NKIRAS1: variants seen among roughly 807,000 people sequenced by gnomAD.
The protein encoded by NKIRAS1 is NFKB inhibitor interacting Ras like 1.
In NKIRAS1, 16 loss-of-function variants were observed where a neutral mutation model predicts 19.8. The observed-to-expected ratio is 0.81, with a 90% CI of 0.55 to 1.23. The LOEUF is 1.23. NKIRAS1 is among the 50% of genes most tolerant of loss of function. The pLI is 0.00. For missense variants in NKIRAS1, 184 were observed against 220.0 expected, an observed-to-expected ratio of 0.84 and a Z score of 1.04; for synonymous variants, 88 against 79.0, an observed-to-expected ratio of 1.11 and a Z score of -0.61.
intron 1 of NKIRAS1, among the ~76,000 whole-genome samples, chr3:23,925,633 C>CA (rs1553645996): frequency 7.6e-6 from 1 of 132,250 alleles, no homozygotes; most frequent in Non-Finnish European, 1.6e-5. Flanking sequence ...GACTCTGTCT[C>CA]AAAAAAATAA....
intron 1 of NKIRAS1, chr3:23,945,744 C>G (rs1705654150): frequency 1.9e-6 from 1 of 532,054 alleles, no homozygotes; most frequent in South Asian, 8.5e-5. Flanking sequence ...TGGCTCGGTT[C>G]CCATCGCCCC....
intron 1 of NKIRAS1, among the ~76,000 whole-genome samples, chr3:23,931,939 CTTA>C (rs1441918744): frequency 6.6e-6 from 1 of 152,150 alleles, no homozygotes; most frequent in East Asian, 1.9e-4. Context: ...AGCAATGATG[CTTA>C]TTATTAGTCA....
At position 23,892,959 on chromosome 3, in the gene NKIRAS1, A is replaced by G. The variant is rs1701583745; in HGVS notation, c.*136T>C. On this transcript the variant is annotated 3_prime_UTR_variant, in exon 5 of 5. Coordinates refer to ENST00000425478, the MANE Select transcript of NKIRAS1 (RefSeq NM_020345.4). ...TACTTTTAACATCTAAAGTGCATTA[A>G]TTGACTTCCTTAGGAATTTTCCTAA... The G allele has an allele frequency of 4.9e-6, 4 of 824,192 alleles. No individual in the cohort carries two copies. Among genetic ancestry groups the G allele is most frequent in the Non-Finnish European group, 7.1e-6 (4 of 562,752 alleles). The allele number at this position is 824,192 out of a possible 1,614,324, so 51.1% of individuals were successfully genotyped here.
intron 1 of NKIRAS1, among the ~76,000 whole-genome samples, chr3:23,914,964 A>G (rs1704175349): frequency 6.6e-6 from 1 of 152,222 alleles, no homozygotes; most frequent in Non-Finnish European, 1.5e-5. Flanking sequence ...ACAGGGCTGC[A>G]CTACTTACCA....
upstream of NKIRAS1, chr3:23,919,080 TGAG>T (rs1189659400): frequency 1.4e-6 from 1 of 693,116 alleles, no homozygotes; most frequent in Non-Finnish European, 2.5e-6. Flanking sequence ...GTAAATAACT[TGAG>T]TAGTAAAAGA....
chr3:23,911,728 G>A (rs1020155714), intron 1 of NKIRAS1, among the ~76,000 whole-genome samples: 1 of 150,706 alleles, frequency 6.6e-6, no homozygotes, highest in African/African-American at 2.4e-5. Context: ...GTCTTTTCTC[G>A]AGAAGGGAAG....
rs193246831 is a variant in NKIRAS1, at chr3:23,908,368, C to T, written c.94+2443G>A. ...TTAGTGAAATACCAAAGAAAAATAC[C>T]CATAATTACCTGAAAAGGCTATTAA... is the stretch of plus-strand genomic sequence containing the variant. On this transcript the variant is annotated intron_variant, in intron 3 of 4. Coordinates refer to ENST00000425478, the MANE Select transcript of NKIRAS1 (RefSeq NM_020345.4). Among the ~76,000 whole-genome samples, 469 of 152,162 alleles carry T rather than the reference C, an allele frequency of 3.1e-3. 1 individual carries two copies. The highest frequency in any genetic ancestry group is 1.0e-2 in the African/African-American group (415 of 41,504).
chr3:23,908,297 G>T (rs929416915), intron 3 of NKIRAS1, among the ~76,000 whole-genome samples: 1 of 152,098 alleles, frequency 6.6e-6, no homozygotes, highest in African/African-American at 2.4e-5. Context: ...TATGATTTCA[G>T]ATTCTACACT....
chr3:23,917,655 G>C, upstream of NKIRAS1: 1 of 573,688 alleles, frequency 1.7e-6, no homozygotes. Flanking sequence ...CTCTGTGCTG[G>C]GGTTGCGGAA....
intron 1 of NKIRAS1, among the ~76,000 whole-genome samples, chr3:23,941,856 C>T (rs981940511): frequency 2.6e-5 from 4 of 152,184 alleles, no homozygotes; most frequent in Non-Finnish European, 4.4e-5. Context: ...ACACTATCAT[C>T]GAAGAGAGGG....
In NKIRAS1 at chr3:23,890,159, G is replaced by C. The variant is rs1701346887; in HGVS notation, c.*2936C>G. ...TTGAGCTAAGGGTCACATGAACACA[G>C]CTGGATGTTCATTGCAGTCTGAAGC... On this transcript the variant is annotated 3_prime_UTR_variant, in exon 5 of 5. Coordinates refer to ENST00000425478, the MANE Select transcript of NKIRAS1 (RefSeq NM_020345.4). 2.0e-5 allele frequency among the ~76,000 whole-genome samples: 3 copies of C among 152,148 alleles called. No homozygotes were observed. The highest frequency in any genetic ancestry group is 2.9e-5 in the Non-Finnish European group (2 of 68,026).
intron 1 of NKIRAS1, among the ~76,000 whole-genome samples, chr3:23,914,258 G>C (rs964730725): frequency 4.6e-5 from 7 of 151,270 alleles, no homozygotes; most frequent in Non-Finnish European, 1.0e-4. Context: ...AGAGCCATCA[G>C]AAACAGCTCC....
At chr3:23,905,265 T>C (rs1255478491) in intron 3 of NKIRAS1, among the ~76,000 whole-genome samples, 1 of 152,144 alleles carries the variant, frequency 6.6e-6, no homozygotes, top group East Asian at 1.9e-4. Flanking sequence ...ATAAAAAGAA[T>C]GATTAACCAA....
rs1272635478 is a variant in NKIRAS1 at position 23,922,576 on chromosome 3, C to T, written c.-139-11126G>A. ...CTAATTTTTGTATTTTTAGTAGAGA[C>T]GGTTTCACCATGTTGGCCAGGATGG... On this transcript the variant is annotated intron_variant, in intron 1 of 4. Coordinates refer to the NKIRAS1 transcript ENST00000421515. The surrounding 1 kb of genome is among the most constrained non-coding windows in gnomAD (Gnocchi z 4.2). The T allele has an allele frequency of 1.3e-5, 2 of 151,870 alleles. No homozygotes were observed. Among genetic ancestry groups the T allele is most frequent in the African/African-American group, 2.4e-5 (1 of 41,312 alleles). The allele number at this position is 151,870 out of a possible 1,614,324, so 9.4% of individuals were successfully genotyped here. A position where few individuals can be genotyped will look rare whatever the true frequency, so the allele number is the denominator to read the frequency against.
chr3:23,894,634 C>T (rs931471019), intron 4 of NKIRAS1, among the ~76,000 whole-genome samples: 3 of 152,096 alleles, frequency 2.0e-5, no homozygotes, highest in East Asian at 1.9e-4. Flanking sequence ...TCCACCTCTG[C>T]GTCCTCCACC....
rs1701596389 is a variant in NKIRAS1 at position 23,893,091 on chromosome 3, A to G, written c.*4T>C. ...CAACATACAATTGTGGAAATTACTG[A>G]TTTTTAGTTCTCAGAATTAGAGTTC... On this transcript the variant is annotated 3_prime_UTR_variant, in exon 5 of 5. Transcript: ENST00000425478. 1 of 1,542,608 alleles carries G rather than the reference A, an allele frequency of 6.5e-7. No individual in the cohort carries two copies. The highest frequency in any genetic ancestry group is 1.4e-5 in the African/African-American group (1 of 72,280).
chr3:23,940,512 C>G (rs1705474005), intron 1 of NKIRAS1, among the ~76,000 whole-genome samples: 1 of 151,994 alleles, frequency 6.6e-6, no homozygotes, highest in Non-Finnish European at 1.5e-5. Context: ...CAGTATTGCC[C>G]ATAAACACAT....
chr3:23,915,801 T>C (rs542287182), intron 1 of NKIRAS1, among the ~76,000 whole-genome samples: 1 of 152,304 alleles, frequency 6.6e-6, no homozygotes, highest in South Asian at 2.1e-4. Flanking sequence ...ACTCCTATCC[T>C]TGAAGTCCTT....
upstream of NKIRAS1, chr3:23,917,945 A>T: frequency 6.2e-7 from 1 of 1,613,376 alleles, no homozygotes; most frequent in Non-Finnish European, 8.5e-7. Flanking sequence ...CGCTGCTGGC[A>T]GTACCGCCAG....
Sources: gnomAD v4.1 joint callset for allele counts (sites outside exome capture counted in the v4.1 genomes callset) on GRCh38, gnomAD v4.1.1 for gene constraint, Gnocchi (gnomAD v3.1) non-coding constraint, MANE v1.5 for transcripts, NCBI Gene and HGNC (gene_info 2026-07-23, HGNC 2026-07-21) for gene names.